Variants in PCLO observed in about 807,000 individuals in gnomAD.
The protein encoded by PCLO is piccolo presynaptic cytomatrix protein.
A neutral mutation model predicts 427.5 loss-of-function variants in PCLO; 82 were observed. The observed-to-expected ratio is 0.19, with a 90% CI of 0.16 to 0.23. The LOEUF is 0.23. PCLO is among the 10% of genes least tolerant of loss of function. PCLO has a pLI of 1.00. For missense variants in PCLO, 6,239 were observed against 6,115.9 expected (o/e 1.02, Z -0.67); for synonymous variants, 2,357 against 2,155.4 (o/e 1.09, Z -2.59).
intron 3 of PCLO, among the ~76,000 whole-genome samples, chr7:83,004,326 T>C (rs906110032): frequency 6.6e-6 from 1 of 151,584 alleles, no homozygotes; most frequent in African/African-American, 2.4e-5. Flanking sequence ...AACAATGAAA[T>C]AGAACAGAGC....
At chr7:82,777,314 A>G (rs1187610022) in intron 22 of PCLO, among the ~76,000 whole-genome samples, 1 of 152,190 alleles carries the variant, frequency 6.6e-6, no homozygotes, top group Admixed American at 6.5e-5. Flanking sequence ...ATATCAAGAA[A>G]ATGACCATAT....
intron 22 of PCLO, among the ~76,000 whole-genome samples, chr7:82,775,345 A>T (rs1009639058): frequency 6.6e-6 from 1 of 152,320 alleles, no homozygotes; most frequent in African/African-American, 2.4e-5. Context: ...ACCATTTTGC[A>T]TTCCCACTGG....
At chr7:82,908,750 T>C in intron 8 of PCLO, 127 bp downstream of exon 8, 1 of 823,906 alleles carries the variant, frequency 1.2e-6, no homozygotes, top group South Asian at 1.7e-5. Flanking sequence ...TTTATGTTAT[T>C]GGAAAAAATC....
rs759256538 is a variant in PCLO at position 82,953,632 on chromosome 7, T to G, written c.7321A>C (p.Lys2441Gln). The G allele has an allele frequency of 3.1e-6, 5 of 1,605,276 alleles. No homozygotes were observed. Among genetic ancestry groups the G allele is most frequent in the Non-Finnish European group, 3.4e-6 (4 of 1,176,720 alleles). ...TSPKPTILPK[K>Q]KLTVASPVTT... Reference sequence around the variant, plus strand: ...ACTGGAGATGCAACTGTTAACTTTTTTTTAGGAAGAATAGTTGGTTTAGGT... The same window carrying G: ...ACTGGAGATGCAACTGTTAACTTTTGTTTAGGAAGAATAGTTGGTTTAGGT... Residue 2441 changes from lysine to glutamine, a missense_variant, in exon 5 of 25, where the codon AAA becomes CAA. Lys to Gln is a moderately conservative substitution (Grantham distance 53). Around this residue, in one of 5 missense-constraint regions of PCLO, gnomAD observed 4,677 missense variants for 4,468.4 expected, o/e 1.05. Transcript: ENST00000333891.
At chr7:82,771,932 T>C (rs1419126737) in intron 22 of PCLO, among the ~76,000 whole-genome samples, 1 of 152,130 alleles carries the variant, frequency 6.6e-6, no homozygotes, top group African/African-American at 2.4e-5. Flanking sequence ...CATTAGCTTA[T>C]GAAGGCATAC....
chr7:83,106,229 C>G (rs1790851928), intron 3 of PCLO, among the ~76,000 whole-genome samples: 1 of 152,154 alleles, frequency 6.6e-6, no homozygotes, highest in Non-Finnish European at 1.5e-5. Flanking sequence ...AGTAAACAAG[C>G]CTCACTTGAA....
intron 6 of PCLO, among the ~76,000 whole-genome samples, chr7:82,924,341 T>C (rs1427537090): frequency 6.6e-6 from 1 of 152,112 alleles, no homozygotes. Context: ...CCCTTTATTG[T>C]ATAGAAAAAT....
At chr7:82,780,707 A>G (rs1283201059) in intron 22 of PCLO, among the ~76,000 whole-genome samples, 1 of 152,208 alleles carries the variant, frequency 6.6e-6, no homozygotes, top group East Asian at 1.9e-4. Flanking sequence ...CAGTTTACAT[A>G]GTGATACTAC....
chr7:82,790,398 A>G (rs1488086256), intron 22 of PCLO, among the ~76,000 whole-genome samples: 1 of 152,158 alleles, frequency 6.6e-6, no homozygotes, highest in African/African-American at 2.4e-5. Context: ...CAACTTGTCC[A>G]CAAGTTCACC....
intron 3 of PCLO, among the ~76,000 whole-genome samples, chr7:82,987,439 A>G (rs1255533301): frequency 6.6e-6 from 1 of 152,092 alleles, no homozygotes; most frequent in Admixed American, 6.6e-5. Context: ...AAATAAACAA[A>G]TAATTTAGGG....
At chr7:83,059,441 C>T (rs1789489817) in intron 3 of PCLO, among the ~76,000 whole-genome samples, 1 of 147,180 alleles carries the variant, frequency 6.8e-6, no homozygotes, top group Non-Finnish European at 1.5e-5. Flanking sequence ...ACACATTTAT[C>T]ACTATGGAAT....
In PCLO at chr7:82,951,313, G is replaced by A; in HGVS notation, c.9275C>T (p.Ser3092Leu). The A allele has an allele frequency of 1.2e-6, 2 of 1,612,454 alleles. No individual in the cohort carries two copies. The highest frequency in any genetic ancestry group is 1.7e-6 in the Non-Finnish European group (2 of 1,179,196). Reference sequence around the variant, plus strand: ...TGTAGAGGGTGTTGGAGTTGCTACTGAAGAATAGACAACACCATTAGATGA... The same window carrying A: ...TGTAGAGGGTGTTGGAGTTGCTACTAAAGAATAGACAACACCATTAGATGA... The part of the protein sequence containing the change: ...LRSSNGVVYS[S>L]VATPTPSTFA... The change falls in exon 6 of 25, where the codon TCA becomes TTA. Residue 3092 changes from serine to leucine, a missense_variant. By Grantham distance (145) the Ser-to-Leu change is moderately radical. Coordinates refer to ENST00000333891, the MANE Select transcript of PCLO (RefSeq NM_033026.6).
chr7:83,119,427 T>G (rs766962475), intron 3 of PCLO, among the ~76,000 whole-genome samples: 2 of 152,092 alleles, frequency 1.3e-5, no homozygotes, highest in Non-Finnish European at 2.9e-5. Flanking sequence ...AGACAGTACC[T>G]CTCACAGTCT....
At chr7:82,815,834 A>G (rs115303589) in intron 20 of PCLO, among the ~76,000 whole-genome samples, 1,676 of 152,194 alleles carry the variant, frequency 0.011, 34 homozygotes, top group African/African-American at 0.038. Context: ...TATTTTGATT[A>G]ATCTGTTCAA....
chr7:82,764,314 G>A (rs1790489081), intron 22 of PCLO, among the ~76,000 whole-genome samples: 2 of 151,812 alleles, frequency 1.3e-5, no homozygotes, highest in South Asian at 4.1e-4. Flanking sequence ...AAAACCTTTA[G>A]AACAAAGATA....
intron 3 of PCLO, among the ~76,000 whole-genome samples, chr7:83,042,942 C>T (rs1443625115): frequency 3.3e-5 from 5 of 152,170 alleles, no homozygotes; most frequent in Admixed American, 1.3e-4. Flanking sequence ...CAACCAGAAA[C>T]AACTGCCTCT....
chr7:82,875,874 C>G (rs1462203225), intron 10 of PCLO, among the ~76,000 whole-genome samples: 1 of 151,946 alleles, frequency 6.6e-6, no homozygotes, highest in Non-Finnish European at 1.5e-5. Flanking sequence ...GAGAAATGAA[C>G]AAACTCAGAA....
chr7:82,881,244 A>T (rs1793501551), intron 9 of PCLO, among the ~76,000 whole-genome samples: 1 of 152,180 alleles, frequency 6.6e-6, no homozygotes, highest in South Asian at 2.1e-4. Flanking sequence ...TGGAACTTCA[A>T]AATCTATTCA....
chr7:82,984,838 AT>A (rs1796223838), intron 3 of PCLO, among the ~76,000 whole-genome samples: 2 of 151,962 alleles, frequency 1.3e-5, no homozygotes, highest in African/African-American at 2.4e-5. Flanking sequence ...TTGAATGAAT[AT>A]TATTTTGAAT....
Sources: allele counts gnomAD v4.1 joint callset (sites outside exome capture counted in the v4.1 genomes callset), GRCh38; gene constraint gnomAD v4.1.1; regional missense constraint gnomAD v4.1.1; transcripts MANE v1.5; gene names NCBI Gene and HGNC (gene_info 2026-07-23, HGNC 2026-07-21).